DOCK3: variants seen among roughly 807,000 people sequenced by gnomAD.
DOCK3 encodes dedicator of cytokinesis protein 3.
Under a neutral mutation model 265.6 loss-of-function variants are expected in DOCK3, and 60 were observed. The observed-to-expected ratio is 0.23, with a 90% CI of 0.18 to 0.28. The LOEUF is 0.28. Ranked by LOEUF, DOCK3 falls within the 10% of genes least tolerant of loss-of-function variation. The pLI is 1.00. For missense variants in DOCK3, 1,981 were observed against 2,594.3 expected (o/e 0.76, Z 5.14); for synonymous variants, 881 against 938.0 (o/e 0.94, Z 1.11).
chr3:51,153,576 A>G (rs535661362), intron 10 of DOCK3, among the ~76,000 whole-genome samples: 3 of 152,240 alleles, frequency 2.0e-5, no homozygotes, highest in East Asian at 1.9e-4. Flanking sequence ...AGAAATCACC[A>G]TCTTCTGCGT....
chr3:50,764,934 T>C (rs2040773705), intron 1 of DOCK3, among the ~76,000 whole-genome samples: 1 of 152,076 alleles, frequency 6.6e-6, no homozygotes, highest in African/African-American at 2.4e-5. Flanking sequence ...TTGTTTTGTT[T>C]TGTTTTTAGT....
Position 51,246,820 on chromosome 3 carries a change from C to T in DOCK3, c.2184+13C>T. 1.2e-6 allele frequency: 2 copies of T among 1,610,122 alleles called. No individual in the cohort carries two copies. The highest frequency in any genetic ancestry group is 1.3e-5 in the African/African-American group (1 of 75,006). On this transcript the variant is annotated intron_variant, in intron 22 of 52. Transcript: ENST00000266037. Reference sequence around the variant, plus strand: ...AGAAGCTATGCGGGTAATGTACTAACCTCTCCATACATAAGAGACCCACTC... The same window carrying T: ...AGAAGCTATGCGGGTAATGTACTAATCTCTCCATACATAAGAGACCCACTC...
chr3:51,312,418 G>T, intron 29 of DOCK3, 58 bp from the exon 30 acceptor site: 2 of 1,427,520 alleles, frequency 1.4e-6, no homozygotes, highest in Admixed American at 1.8e-5. Context: ...ATTTAGTAAC[G>T]CTCCCTACAA....
At chr3:51,107,754 G>A (rs557644465) in intron 9 of DOCK3, among the ~76,000 whole-genome samples, 1 of 152,310 alleles carries the variant, frequency 6.6e-6, no homozygotes, top group East Asian at 1.9e-4. Context: ...AAAGAACTTG[G>A]AAAACGTATT....
intron 4 of DOCK3, among the ~76,000 whole-genome samples, chr3:50,911,439 C>T (rs1190330265): frequency 6.6e-6 from 1 of 151,998 alleles, no homozygotes; most frequent in African/African-American, 2.4e-5. Context: ...TATGTTTTTG[C>T]CACATTTGAC....
At chr3:50,697,387 C>T (rs941250066) in intron 1 of DOCK3, among the ~76,000 whole-genome samples, 10 of 151,722 alleles carry the variant, frequency 6.6e-5, no homozygotes, top group East Asian at 2.0e-4. Context: ...GTCAGGAGTT[C>T]GAGGCCAGCC....
chr3:51,289,062 C>G (rs1329814067), intron 27 of DOCK3, among the ~76,000 whole-genome samples: 1 of 151,828 alleles, frequency 6.6e-6, no homozygotes, highest in Non-Finnish European at 1.5e-5. Flanking sequence ...AGAAACAGCT[C>G]TAGGTTATTT....
intron 5 of DOCK3, among the ~76,000 whole-genome samples, chr3:50,985,173 A>G (rs1361105598): frequency 2.6e-5 from 4 of 152,250 alleles, no homozygotes; most frequent in Non-Finnish European, 5.9e-5. Context: ...TTTACAAGCA[A>G]TCACCAAAAA....
chr3:51,244,311 A>C (rs1303677938), intron 21 of DOCK3, among the ~76,000 whole-genome samples: 1 of 152,122 alleles, frequency 6.6e-6, no homozygotes, highest in Non-Finnish European at 1.5e-5. Flanking sequence ...CTTTAATAAC[A>C]ATATTAAACC....
intron 9 of DOCK3, among the ~76,000 whole-genome samples, chr3:51,111,027 A>C (rs867333477): frequency 1.1e-4 from 16 of 152,304 alleles, no homozygotes; most frequent in Middle Eastern, 3.4e-3. Flanking sequence ...GTATTCCTAT[A>C]CCCAACAACA....
At chr3:50,844,693 G>T (rs2045998539) in intron 3 of DOCK3, among the ~76,000 whole-genome samples, 1 of 152,090 alleles carries the variant, frequency 6.6e-6, no homozygotes, top group Admixed American at 6.5e-5. Flanking sequence ...CTAAAATTTT[G>T]CAGTTTAAGA....
intron 5 of DOCK3, among the ~76,000 whole-genome samples, chr3:51,005,407 A>G (rs1022092396): frequency 2.0e-5 from 3 of 152,094 alleles, no homozygotes; most frequent in Non-Finnish European, 2.9e-5. Context: ...CATTATCACC[A>G]TTGACTTCCA....
chr3:50,854,848 A>G (rs1172797035), intron 3 of DOCK3, among the ~76,000 whole-genome samples: 1 of 151,976 alleles, frequency 6.6e-6, no homozygotes, highest in Non-Finnish European at 1.5e-5. Flanking sequence ...TCTTCTGCAT[A>G]GGGCTAGCCA....
chr3:50,944,619 G>T lies in DOCK3; in HGVS notation c.315+10542G>T, dbSNP rs562402840. Among the ~76,000 whole-genome samples the T allele has an allele frequency of 6.6e-5, 10 of 152,174 alleles. No individual in the cohort carries two copies. The South Asian group carries it at 1.9e-3, about 28-fold the overall frequency. On this transcript the variant is annotated intron_variant, in intron 5 of 52. Transcript: ENST00000266037. ...ATTCTTCATTTTTAGAGTTATTGTG[G>T]CAATAAGAAAAAGGGAATTTTCCAG...
intron 23 of DOCK3, among the ~76,000 whole-genome samples, chr3:51,267,201 T>C (rs543350734): frequency 1.1e-4 from 17 of 152,194 alleles, no homozygotes; most frequent in East Asian, 7.7e-4. Context: ...GAAATAGGAA[T>C]GCTTTTACAC....
intron 49 of DOCK3, among the ~76,000 whole-genome samples, chr3:51,367,384 T>G (rs1321012931): frequency 6.6e-6 from 1 of 152,180 alleles, no homozygotes; most frequent in African/African-American, 2.4e-5. Context: ...CTATGTGTGT[T>G]TCTGCATTTG....
intron 5 of DOCK3, among the ~76,000 whole-genome samples, chr3:51,009,334 G>T (rs2078837471): frequency 6.6e-6 from 1 of 152,018 alleles, no homozygotes. Flanking sequence ...CTTCTTCCTG[G>T]TTTAGTCTTG....
intron 4 of DOCK3, among the ~76,000 whole-genome samples, chr3:50,915,486 G>T (rs973053153): frequency 2.6e-5 from 4 of 152,022 alleles, no homozygotes; most frequent in African/African-American, 4.8e-5. Flanking sequence ...TGGAAGGCAG[G>T]ATGCTAGTAT....
intron 1 of DOCK3, among the ~76,000 whole-genome samples, chr3:50,770,730 A>G (rs1402662229): frequency 6.6e-6 from 1 of 152,198 alleles, no homozygotes; most frequent in Non-Finnish European, 1.5e-5. Context: ...AACAGAATAG[A>G]GAACCCAGAA....
Sources: allele counts gnomAD v4.1 joint callset (sites outside exome capture counted in the v4.1 genomes callset), GRCh38; gene constraint gnomAD v4.1.1; transcripts MANE v1.5; gene names NCBI Gene and HGNC (gene_info 2026-07-23, HGNC 2026-07-21).